The following NUBPL variants were observed in gnomAD, a reference collection of about 807,000 sequenced individuals.
NUBPL encodes the protein iron-sulfur cluster transfer protein NUBPL.
Under a neutral mutation model 45.7 loss-of-function variants are expected in NUBPL, and 31 were observed. The ratio of observed to expected loss-of-function variants is 0.68; its 90% CI spans 0.51 to 0.92. The LOEUF (loss-of-function observed/expected upper bound fraction) is 0.92. NUBPL is among the 40% of genes least tolerant of loss of function. NUBPL has a pLI of 0.00. For missense variants in NUBPL, 401 were observed against 398.7 expected, an observed-to-expected ratio of 1.01 and a Z score of -0.05; for synonymous variants, 144 against 140.9, an observed-to-expected ratio of 1.02 and a Z score of -0.15.
chr14:31,624,235 C>A (rs182343679), intron 4 of NUBPL, among the ~76,000 whole-genome samples: 1 of 151,956 alleles, frequency 6.6e-6, no homozygotes, highest in Non-Finnish European at 1.5e-5. Context: ...TCTGAATGGC[C>A]CTTGATTTTC....
intron 6 of NUBPL, among the ~76,000 whole-genome samples, chr14:31,779,350 G>A (rs562594564): frequency 3.4e-4 from 51 of 150,466 alleles, no homozygotes; most frequent in Non-Finnish European, 4.7e-4. Context: ...AAAAAAAAAA[G>A]AAGAAGAAAG....
intron 6 of NUBPL, among the ~76,000 whole-genome samples, chr14:31,708,726 G>A (rs1275035510): frequency 6.6e-6 from 1 of 152,200 alleles, no homozygotes; most frequent in Admixed American, 6.5e-5. Flanking sequence ...AAAGGTACCT[G>A]GGGCTGAGTG....
chr14:31,723,846 G>A (rs769531231), intron 6 of NUBPL, among the ~76,000 whole-genome samples: 23 of 152,246 alleles, frequency 1.5e-4, no homozygotes, highest in South Asian at 8.3e-4. Flanking sequence ...CTTTTAGACC[G>A]AGACTATAGG....
At chr14:31,623,947 C>T (rs903067903) in intron 4 of NUBPL, among the ~76,000 whole-genome samples, 1 of 152,102 alleles carries the variant, frequency 6.6e-6, no homozygotes, top group African/African-American at 2.4e-5. Flanking sequence ...GTGATTCAGA[C>T]ACTATGAGAT....
At chr14:31,846,431 G>A (rs1430209486) in intron 8 of NUBPL, 40 bp from the exon 9 acceptor site, 2 of 1,535,488 alleles carry the variant, frequency 1.3e-6, no homozygotes, top group Non-Finnish European at 1.8e-6. Context: ...ATTAATATTT[G>A]GTTTAATTTT....
At chr14:31,669,548 A>G (rs1026988510) in intron 4 of NUBPL, among the ~76,000 whole-genome samples, 3 of 151,786 alleles carry the variant, frequency 2.0e-5, no homozygotes, top group African/African-American at 7.3e-5. Flanking sequence ...GGTTTGTTGT[A>G]CATATTTCAT....
intron 4 of NUBPL, among the ~76,000 whole-genome samples, chr14:31,616,240 G>A (rs564398622): frequency 2.0e-4 from 30 of 152,256 alleles, no homozygotes; most frequent in African/African-American, 7.0e-4. Flanking sequence ...TAGGTTGCCT[G>A]TTCACTCTGA....
chr14:31,584,309 G>C (rs2033939408), intron 3 of NUBPL, among the ~76,000 whole-genome samples: 1 of 152,102 alleles, frequency 6.6e-6, no homozygotes, highest in South Asian at 2.1e-4. Context: ...ATTTTTTGTA[G>C]AGATGGGTTC....
At chr14:31,639,706 C>T (rs1266721118) in intron 4 of NUBPL, among the ~76,000 whole-genome samples, 1 of 152,192 alleles carries the variant, frequency 6.6e-6, no homozygotes, top group East Asian at 1.9e-4. Context: ...CAGAGGCAGG[C>T]AGGCCTCCTT....
intron 4 of NUBPL, among the ~76,000 whole-genome samples, chr14:31,633,220 C>A (rs1437542129): frequency 1.3e-5 from 2 of 152,222 alleles, no homozygotes; most frequent in Non-Finnish European, 2.9e-5. Context: ...CTCTCTGCAG[C>A]AGTATCTTCA....
chr14:31,696,895 TAA>T (rs879437051), intron 6 of NUBPL, among the ~76,000 whole-genome samples: 51 of 152,140 alleles, frequency 3.4e-4, no homozygotes, highest in Non-Finnish European at 6.8e-4. Flanking sequence ...AGTAAAAATA[TAA>T]GAGAAAAACG....
At chr14:31,754,121 T>C (rs1451067299) in intron 6 of NUBPL, among the ~76,000 whole-genome samples, 1 of 152,198 alleles carries the variant, frequency 6.6e-6, no homozygotes, top group Non-Finnish European at 1.5e-5. Flanking sequence ...TAGTCCACCA[T>C]CTTGATGACC....
At chr14:31,620,875 C>T (rs1035673835) in intron 4 of NUBPL, among the ~76,000 whole-genome samples, 4 of 152,288 alleles carry the variant, frequency 2.6e-5, no homozygotes, top group Non-Finnish European at 4.4e-5. Flanking sequence ...GGTGAAGCTG[C>T]GCCCACAGCC....
chr14:31,717,950 A>G (rs1326516754), intron 6 of NUBPL, among the ~76,000 whole-genome samples: 2 of 152,152 alleles, frequency 1.3e-5, no homozygotes, highest in Non-Finnish European at 2.9e-5. Flanking sequence ...GCAGAATTCA[A>G]AATTCTTTTT....
At chr14:31,721,765 C>T (rs932923020) in intron 6 of NUBPL, among the ~76,000 whole-genome samples, 38 of 152,022 alleles carry the variant, frequency 2.5e-4, no homozygotes, top group African/African-American at 9.2e-4. Context: ...CTCCCTCCCC[C>T]CATTCTCCAC....
chr14:31,567,942 A>G (rs1402548932), intron 3 of NUBPL, among the ~76,000 whole-genome samples: 1 of 152,152 alleles, frequency 6.6e-6, no homozygotes, highest in Non-Finnish European at 1.5e-5. Flanking sequence ...AGAATTTTCC[A>G]CTTCTAACCT....
intron 4 of NUBPL, among the ~76,000 whole-genome samples, chr14:31,610,329 A>G (rs1258007313): frequency 6.6e-6 from 1 of 152,086 alleles, no homozygotes; most frequent in Non-Finnish European, 1.5e-5. Context: ...ATAAATTCAT[A>G]TACACGTACA....
chr14:31,668,601 A>G (rs2139796340), intron 4 of NUBPL, among the ~76,000 whole-genome samples: 1 of 152,268 alleles, frequency 6.6e-6, no homozygotes, highest in Non-Finnish European at 1.5e-5. Flanking sequence ...CCATTGGGGT[A>G]TGAAAAAACA....
intron 6 of NUBPL, among the ~76,000 whole-genome samples, chr14:31,681,682 T>C (rs1034936411): frequency 1.3e-5 from 2 of 152,008 alleles, no homozygotes; most frequent in Non-Finnish European, 2.9e-5. Flanking sequence ...GTTAAGGCTA[T>C]AAATTTATCT....
Sources: gnomAD v4.1 joint callset for allele counts (sites outside exome capture counted in the v4.1 genomes callset) on GRCh38, gnomAD v4.1.1 for gene constraint, MANE v1.5 for transcripts, NCBI Gene and HGNC (gene_info 2026-07-23, HGNC 2026-07-21) for gene names.